KANK4: variants seen among roughly 807,000 people sequenced by gnomAD.
KANK4 encodes the protein KN motif and ankyrin repeat domain-containing protein 4.
Under a neutral mutation model 80.8 loss-of-function variants are expected in KANK4, and 50 were observed. The observed-to-expected ratio is 0.62, with a 90% CI of 0.49 to 0.78. KANK4 has a LOEUF of 0.78. Ranked by LOEUF, KANK4 falls within the 30% of genes least tolerant of loss-of-function variation. The pLI is 0.00. For missense variants in KANK4, 1,196 were observed against 1,240.1 expected, an observed-to-expected ratio of 0.96 and a Z score of 0.53; for synonymous variants, 465 against 506.9, an observed-to-expected ratio of 0.92 and a Z score of 1.11.
chr1:62,247,724 C>G, intron 8 of KANK4, 52 bp from the exon 9 acceptor site: 1 of 1,503,348 alleles, frequency 6.7e-7, no homozygotes, highest in Non-Finnish European at 9.2e-7. Context: ...TGGGGAAGGA[C>G]CCCCTCTCCA....
intron 6 of KANK4, among the ~76,000 whole-genome samples, chr1:62,263,690 T>C (rs1332662311): frequency 1.3e-5 from 2 of 152,182 alleles, no homozygotes; most frequent in Non-Finnish European, 2.9e-5. Flanking sequence ...CAGCCCACAA[T>C]GACCTTTCCC....
rs1671504217 is a variant in KANK4, at chr1:62,247,669, C to T, written c.2686G>A (p.Gly896Ser). ...ACTCCCAGCATCAGCGCAGTCTGGC[C>T]TCCCTGCATGCAGAGCCACAGGGAT... ...GNVNIQATQG[G>S]QTALMLGVSH... The change falls in exon 9 of 10, where the codon GGC becomes AGC. Residue 896 changes from glycine (G) to serine (S), a missense_variant. Gly to Ser is a moderately conservative substitution (Grantham distance 56). Transcript: ENST00000371153. The T allele has an allele frequency of 5.0e-6, 8 of 1,613,342 alleles. No individual in the cohort carries two copies. Among genetic ancestry groups the T allele is most frequent in the Non-Finnish European group, 5.9e-6 (7 of 1,179,994 alleles).
rs1318391389 is a variant in KANK4, at chr1:62,236,489, CAT to C, written c.*1786_*1787del. Among the ~76,000 whole-genome samples the C allele has an allele frequency of 2.6e-5, 4 of 152,034 alleles. No individual in the cohort carries two copies. Among genetic ancestry groups the C allele is most frequent in the Admixed American group, 2.6e-4 (4 of 15,258 alleles). On this transcript the variant is annotated 3_prime_UTR_variant, in exon 10 of 10. Transcript: ENST00000371153. Reference sequence around the variant, plus strand: ...TCTCCACCTCTGAGTTGCATCAACACATGTCATTGTGTTCTGGGACTCTGAGC... The same window carrying C: ...TCTCCACCTCTGAGTTGCATCAACACGTCATTGTGTTCTGGGACTCTGAGC...
intron 1 of KANK4, among the ~76,000 whole-genome samples, chr1:62,300,908 C>T (rs1280335312): frequency 5.3e-5 from 8 of 151,990 alleles, no homozygotes; most frequent in Admixed American, 5.2e-4. Context: ...CTAAATGCTC[C>T]TTTTATTTAT....
At chr1:62,290,989 A>G (rs1672667670) in intron 1 of KANK4, among the ~76,000 whole-genome samples, 1 of 151,828 alleles carries the variant, frequency 6.6e-6, no homozygotes, top group Non-Finnish European at 1.5e-5. Flanking sequence ...TGACTTCATG[A>G]TCCGCCTGCC....
In KANK4 at chr1:62,281,595, C is replaced by A; in HGVS notation, c.-31G>T. 6.2e-7 allele frequency: 1 copy of A among 1,613,972 alleles called. No individual in the cohort carries two copies. The highest frequency in any genetic ancestry group is 8.5e-7 in the Non-Finnish European group (1 of 1,179,856). ...GAGCGCTGACCCTCAGTGTCTCAGGCACTCTTCATCCAATGAGTCTGTAAA... is the reference window on the plus strand; with the variant it reads ...GAGCGCTGACCCTCAGTGTCTCAGGAACTCTTCATCCAATGAGTCTGTAAA... On this transcript the variant is annotated 5_prime_UTR_variant, in exon 2 of 10. Transcript: ENST00000371153.
rs753716013 is a variant in KANK4, at chr1:62,275,064, C to G, written c.40G>C (p.Asp14His). The G allele has an allele frequency of 5.0e-6, 8 of 1,611,178 alleles. No individual in the cohort carries two copies. The highest frequency in any genetic ancestry group is 6.8e-6 in the Non-Finnish European group (8 of 1,178,576). Residue 14 changes from aspartate to histidine, a missense_variant, in exon 3 of 10, where the codon GAT becomes CAT. Coordinates refer to ENST00000371153, the MANE Select transcript of KANK4 (RefSeq NM_181712.5). ...CTCTTCGGAGGGTCTTTCTCTTCAT[C>G]CCCCTGAGAGGACTGGTCTTTGGCT... The part of the protein sequence containing the change: ...TDAKDQSSQG[D>H]EEKDPPKSHP...
rs1488693044 is a variant in KANK4, at chr1:62,281,608, A to C, written c.-44T>G. ...CAGTGTCTCAGGCACTCTTCATCCA[A>C]TGAGTCTGTAAAACTTGTTGAAGGT... is the stretch of plus-strand genomic sequence containing the variant. On this transcript the variant is annotated 5_prime_UTR_variant, in exon 2 of 10. Coordinates refer to ENST00000371153, the MANE Select transcript of KANK4 (RefSeq NM_181712.5). 6 of 1,612,444 alleles carry C rather than the reference A, an allele frequency of 3.7e-6. No individual in the cohort carries two copies. In the South Asian group the frequency reaches 6.6e-5, roughly 18 times the overall value.
chr1:62,295,369 A>G, intron 1 of KANK4, among the ~76,000 whole-genome samples: 1 of 152,124 alleles, frequency 6.6e-6, no homozygotes, highest in East Asian at 1.9e-4. Context: ...GTCTCAGGCA[A>G]TCCTGGCTGG....
intron 2 of KANK4, among the ~76,000 whole-genome samples, chr1:62,279,375 G>T (rs1672401864): frequency 6.6e-6 from 1 of 152,230 alleles, no homozygotes; most frequent in African/African-American, 2.4e-5. Flanking sequence ...CTCACATGCG[G>T]CTCTGCTCCT....
intron 3 of KANK4, 43 bp from the exon 4 acceptor site, chr1:62,271,632 G>T (rs767582444): frequency 1.4e-6 from 2 of 1,426,940 alleles, no homozygotes; most frequent in Non-Finnish European, 2.0e-6. Context: ...TCTTGGGGAT[G>T]CATGGGAATG....
In KANK4 at chr1:62,263,201, T is replaced by A; in HGVS notation, c.2430A>T (p.Pro810=). 6.2e-7 allele frequency: 1 copy of A among 1,613,790 alleles called. No individual in the cohort carries two copies. Among genetic ancestry groups the A allele is most frequent in the Non-Finnish European group, 8.5e-7 (1 of 1,179,918 alleles). The part of the protein sequence containing the change: ...SYLHEVQPHS[P]HFLKLLVNLA... ...AGTTGACAAGCAGTTTCAGGAAGTG[T>A]GGGGAGTGAGGCTGGACCTCGTGGA... The change falls in exon 7 of 10, where the codon CCA becomes CCT. Residue 810 remains proline (P), a synonymous_variant. Transcript: ENST00000371153.
At chr1:62,271,426 T>G (rs1672158582) in intron 4 of KANK4, 52 bp downstream of exon 4, 3 of 1,190,140 alleles carry the variant, frequency 2.5e-6, no homozygotes, top group Non-Finnish European at 3.8e-6. Context: ...CAAAGGACAA[T>G]AGCAGGAGAG....
chr1:62,273,649 C>T lies in KANK4; in HGVS notation c.1455G>A (p.Gln485=), dbSNP rs757954945. The part of the protein sequence containing the change: ...PQLSLPQGPE[Q]VLTSSVHSFL... ...AGCTATGTACAGAGGAGGTAAGGAC[C>T]TGCTCGGGTCCCTGTGGCAGTGACA... The change falls in exon 3 of 10, where the codon CAG becomes CAA. Residue 485 remains glutamine, a synonymous_variant. Coordinates refer to ENST00000371153, the MANE Select transcript of KANK4 (RefSeq NM_181712.5). 6.2e-7 allele frequency: 1 copy of T among 1,614,166 alleles called. No individual in the cohort carries two copies. Among genetic ancestry groups the T allele is most frequent in the Non-Finnish European group, 8.5e-7 (1 of 1,180,028 alleles).
chr1:62,312,742 C>T (rs1557513202), intron 1 of KANK4, among the ~76,000 whole-genome samples: 1 of 152,240 alleles, frequency 6.6e-6, no homozygotes, highest in Non-Finnish European at 1.5e-5. Flanking sequence ...CCAGCTCAGA[C>T]ATCAGGATGC....
At chr1:62,256,618 G>A (rs1671758232) in intron 7 of KANK4, among the ~76,000 whole-genome samples, 2 of 152,082 alleles carry the variant, frequency 1.3e-5, no homozygotes, top group African/African-American at 4.8e-5. Flanking sequence ...CCCGACCTCA[G>A]GTGATCCGCG....
intron 4 of KANK4, among the ~76,000 whole-genome samples, chr1:62,270,498 C>A (rs1174453860): frequency 6.6e-6 from 1 of 151,934 alleles, no homozygotes; most frequent in Non-Finnish European, 1.5e-5. Flanking sequence ...GATTCTCCTG[C>A]CTCAGCCTCC....
At chr1:62,248,138 A>G (rs1671517561) in intron 8 of KANK4, among the ~76,000 whole-genome samples, 1 of 152,126 alleles carries the variant, frequency 6.6e-6, no homozygotes, top group South Asian at 2.1e-4. Context: ...TCTCTGCTCA[A>G]TGCCTCTGAA....
Position 62,246,498 on chromosome 1 carries a change from C to A in KANK4, c.2883+974G>T, listed in dbSNP as rs563428991. Among the ~76,000 whole-genome samples, 7 of 152,256 alleles carry A rather than the reference C, an allele frequency of 4.6e-5. No homozygotes were observed. The East Asian group carries it at 1.4e-3, about 29-fold the overall frequency. ...AGATGAGACTCAGGGCCAAGCCAGG[C>A]CTGGGAATATTCACCCAGGATGGTG... On this transcript the variant is annotated intron_variant, in intron 9 of 9. Transcript: ENST00000371153.
Sources: gnomAD v4.1 joint callset for allele counts (sites outside exome capture counted in the v4.1 genomes callset) on GRCh38, gnomAD v4.1.1 for gene constraint, MANE v1.5 for transcripts, NCBI Gene and HGNC (gene_info 2026-07-23, HGNC 2026-07-21) for gene names.